The following IQSEC1 variants were observed in gnomAD, a reference collection of about 807,000 sequenced individuals.
IQSEC1 encodes IQ motif and SEC7 domain-containing protein 1.
IQSEC1 carries 31 observed loss-of-function variants against 91.0 expected under a neutral mutation model. The ratio of observed to expected loss-of-function variants is 0.34; its 90% CI spans 0.26 to 0.46. The LOEUF is 0.46. Ranked by LOEUF, IQSEC1 falls within the 20% of genes least tolerant of loss-of-function variation. The probability of loss-of-function intolerance (pLI) is 1.00; values close to 1 mark genes in which losing one functional copy is unlikely to be tolerated. For synonymous variants in IQSEC1, 699 were observed against 662.6 expected, an observed-to-expected ratio of 1.05 and a Z score of -0.84; for missense variants, 1,388 against 1,575.6, an observed-to-expected ratio of 0.88 and a Z score of 2.02.
intron 1 of IQSEC1, chr3:13,022,081 G>A (rs1341240915): frequency 1.6e-6 from 2 of 1,231,770 alleles, no homozygotes; most frequent in Non-Finnish European, 2.0e-6. Context: ...GCTCCACACG[G>A]CACTGCCATA....
chr3:13,036,722 C>A lies in IQSEC1; in HGVS notation c.23+36270G>T, dbSNP rs373659089. Among the ~76,000 whole-genome samples the A allele has an allele frequency of 4.2e-4, 64 of 152,324 alleles. 1 individual carries two copies. The East Asian group carries it at 0.012, about 29-fold the overall frequency. On this transcript the variant is annotated intron_variant, in intron 1 of 13. Transcript: ENST00000613206. ...CTTGGAATCCCGTCCACTGAGCTCCCTTACTGAGCTGGCAGTTTGGGGAGC... is the reference window on the plus strand; with the variant it reads ...CTTGGAATCCCGTCCACTGAGCTCCATTACTGAGCTGGCAGTTTGGGGAGC...
intron 1 of IQSEC1, among the ~76,000 whole-genome samples, chr3:13,188,766 C>T (rs1357643191): frequency 1.3e-5 from 2 of 152,226 alleles, no homozygotes; most frequent in African/African-American, 4.8e-5. Context: ...AGCCAAGAGG[C>T]TCCACAGGAA....
chr3:13,052,897 T>A (rs360892), intron 1 of IQSEC1: 485,106 of 767,716 alleles, frequency 0.63, 157,220 homozygotes, highest in East Asian at 0.84. Context: ...TGACATTTTC[T>A]GCTTGATACG....
At position 13,207,327 on chromosome 3, in the gene IQSEC1, TCCAACA is replaced by T. The variant is rs1225986249; in HGVS notation, c.273-43200_273-43195del. Among the ~76,000 whole-genome samples the T allele has an allele frequency of 6.6e-6, 1 of 151,858 alleles. No individual in the cohort carries two copies. Among genetic ancestry groups the T allele is most frequent in the Non-Finnish European group, 1.5e-5 (1 of 67,954 alleles). ...GTCGGCAGGTCCTAACAGCTTCCGC[TCCAACA>T]CCCATCGCCAATCTGCCTACTTCTC... On this transcript the variant is annotated intron_variant, in intron 1 of 15. Transcript: ENST00000648114. The surrounding 1 kb of genome is among the most constrained non-coding windows in gnomAD (Gnocchi z 4.8).
At chr3:13,231,860 C>T (rs1007008202) in intron 1 of IQSEC1, among the ~76,000 whole-genome samples, 2 of 152,234 alleles carry the variant, frequency 1.3e-5, no homozygotes, top group Non-Finnish European at 2.9e-5. Flanking sequence ...GTTTCAGAAA[C>T]TCACACCCCC....
Position 12,923,588 on chromosome 3 carries a change from C to T in IQSEC1, c.1730+993G>A, listed in dbSNP as rs555472341. Among the ~76,000 whole-genome samples the T allele has an allele frequency of 3.2e-4, 49 of 152,302 alleles. 1 individual carries two copies. The South Asian group carries it at 7.7e-3, about 24-fold the overall frequency. ...CATGAGTGCCGTGTATGTGAGTCTG[C>T]GTGTGTGGGGATGTGTGCCCAGGCC... On this transcript the variant is annotated intron_variant, in intron 4 of 13. Coordinates refer to ENST00000613206, the MANE Select transcript of IQSEC1 (RefSeq NM_001134382.3).
Position 12,979,821 on chromosome 3 carries a change from C to A in IQSEC1, c.24-37956G>T, listed in dbSNP as rs1234812690. On this transcript the variant is annotated intron_variant, in intron 1 of 13. Coordinates refer to ENST00000613206, the MANE Select transcript of IQSEC1 (RefSeq NM_001134382.3). The surrounding 1 kb of genome is among the most constrained non-coding windows in gnomAD (Gnocchi z 4.3). Reference sequence around the variant, plus strand: ...ACCAAGAGCTGAGCCTGTGCCTCACCCGGAATCGTTTCGCGGCCTGGATCT... The same window carrying A: ...ACCAAGAGCTGAGCCTGTGCCTCACACGGAATCGTTTCGCGGCCTGGATCT... 6.6e-6 allele frequency among the ~76,000 whole-genome samples: 1 copy of A among 152,148 alleles called. No homozygotes were observed. Among genetic ancestry groups the A allele is most frequent in the Non-Finnish European group, 1.5e-5 (1 of 68,034 alleles).
At chr3:12,932,599 C>A (rs1349782230) in intron 3 of IQSEC1, among the ~76,000 whole-genome samples, 3 of 152,188 alleles carry the variant, frequency 2.0e-5, no homozygotes, top group African/African-American at 7.2e-5. Context: ...TAAAGCCCAG[C>A]CCTGGAAGCT....
At chr3:13,171,264 T>G (rs1693605485) in intron 1 of IQSEC1, among the ~76,000 whole-genome samples, 1 of 152,182 alleles carries the variant, frequency 6.6e-6, no homozygotes, top group Non-Finnish European at 1.5e-5. Flanking sequence ...GGTGGTCCAC[T>G]CAAGGGCACA....
chr3:13,083,267 G>T lies in IQSEC1; in HGVS notation c.303-35745C>A, dbSNP rs147856266. Among the ~76,000 whole-genome samples the T allele has an allele frequency of 1.8e-4, 28 of 152,308 alleles. No homozygotes were observed. The East Asian group carries it at 5.4e-3, about 29-fold the overall frequency. On this transcript the variant is annotated intron_variant, in intron 2 of 15. Coordinates refer to the IQSEC1 transcript ENST00000648114. ...CCCTGTCTCCCATTAATGCAGATGG[G>T]GGCTGAGAGAAGGTGGCAGTTCTCA...
rs116348927 is a variant in IQSEC1 at position 12,919,017 on chromosome 3, G to A, written c.2020+1413C>T. Among the ~76,000 whole-genome samples the A allele has an allele frequency of 3.0e-3, 450 of 152,294 alleles. 1 individual carries two copies. The highest frequency in any genetic ancestry group is 0.01 in the African/African-American group (428 of 41,568). On this transcript the variant is annotated intron_variant, in intron 6 of 13. Transcript: ENST00000613206. ...GAGGCGATGGCCAGCCTGCATCAGG[G>A]GTCATGCGGAGGTCTGTGAATCCTA...
intron 1 of IQSEC1, among the ~76,000 whole-genome samples, chr3:12,950,789 C>T (rs1433876872): frequency 6.6e-6 from 1 of 151,992 alleles, no homozygotes; most frequent in Non-Finnish European, 1.5e-5. Flanking sequence ...ACTACAGGCA[C>T]CCACCACCAT....
chr3:12,995,313 A>C (rs1361206633), intron 1 of IQSEC1, among the ~76,000 whole-genome samples: 1 of 152,176 alleles, frequency 6.6e-6, no homozygotes, highest in Non-Finnish European at 1.5e-5. Flanking sequence ...TTCTGGGAGG[A>C]AAGGACAGAA....
intron 1 of IQSEC1, among the ~76,000 whole-genome samples, chr3:13,188,371 C>A (rs917821753): frequency 7.2e-5 from 11 of 152,240 alleles, no homozygotes; most frequent in Non-Finnish European, 1.3e-4. Context: ...CTCCAAGCCA[C>A]TGTGACCACT....
At chr3:13,021,837 C>T (rs545577566) in intron 1 of IQSEC1, among the ~76,000 whole-genome samples, 5 of 152,342 alleles carry the variant, frequency 3.3e-5, no homozygotes, top group African/African-American at 7.2e-5. Flanking sequence ...CCCAGCCGAA[C>T]GTGTGCTCTG....
Position 12,935,562 on chromosome 3 carries a change from G to A in IQSEC1, c.1454C>T (p.Thr485Met), listed in dbSNP as rs770512758. The A allele has an allele frequency of 2.2e-5, 35 of 1,614,096 alleles. No individual in the cohort carries two copies. The highest frequency in any genetic ancestry group is 1.6e-4 in the Middle Eastern group (1 of 6,062). Residue 485 changes from threonine to methionine, a missense_variant, in exon 3 of 14, where the codon ACG becomes ATG. This residue lies in a region of IQSEC1 where 1,059 missense variants were observed against 1,317.8 expected (regional missense o/e 0.80). Transcript: ENST00000613206. This position sits in a 1 kb window ranked among gnomAD's most constrained non-coding sequence, Gnocchi z 8.0. The part of the protein sequence containing the change: ...SSSRDSLREQ[T>M]LSKQTYHKEA... ...CTTGTGGTAGGTCTGCTTGCTGAGC[G>A]TCTGCTCCCGCAGGCTGTCACGGGA... is the stretch of plus-strand genomic sequence containing the variant.
chr3:13,070,908 C>T (rs574756012), intron 1 of IQSEC1, among the ~76,000 whole-genome samples: 55 of 152,310 alleles, frequency 3.6e-4, no homozygotes, highest in Non-Finnish European at 7.6e-4. Flanking sequence ...GTGGCTGGGC[C>T]CCCAACAGAT....
intron 5 of IQSEC1, among the ~76,000 whole-genome samples, chr3:12,921,713 C>T (rs1696647667): frequency 6.6e-6 from 1 of 152,186 alleles, no homozygotes; most frequent in South Asian, 2.1e-4. Flanking sequence ...CTGGCTTGTG[C>T]TCCGAGTCAC....
intron 1 of IQSEC1, among the ~76,000 whole-genome samples, chr3:13,057,648 C>A (rs547183456): frequency 6.7e-4 from 102 of 152,290 alleles, no homozygotes; most frequent in Non-Finnish European, 5.0e-4. Context: ...ACACAATGAG[C>A]AAGGATTAGG....
Sources: allele counts gnomAD v4.1 joint callset (sites outside exome capture counted in the v4.1 genomes callset), GRCh38; gene constraint gnomAD v4.1.1; regional missense constraint gnomAD v4.1.1; non-coding constraint Gnocchi (gnomAD v3.1); transcripts MANE v1.5; gene names NCBI Gene and HGNC (gene_info 2026-07-23, HGNC 2026-07-21).